The following TMEM150C variants were observed in gnomAD, a reference collection of about 807,000 sequenced individuals.
TMEM150C encodes transmembrane protein 150C.
TMEM150C carries 10 observed loss-of-function variants against 29.9 expected under a neutral mutation model. The ratio of observed to expected loss-of-function variants is 0.33; its 90% CI spans 0.21 to 0.57. The LOEUF is 0.57. Ranked by LOEUF, TMEM150C falls within the 20% of genes least tolerant of loss-of-function variation. The probability of loss-of-function intolerance (pLI) is 0.88; values close to 1 mark genes in which losing one functional copy is unlikely to be tolerated. For missense variants in TMEM150C, 251 were observed against 303.6 expected (o/e 0.83, Z 1.29); for synonymous variants, 101 against 112.5 (o/e 0.90, Z 0.64).
chr4:82,540,098 A>G (rs1378500032), intron 1 of TMEM150C, among the ~76,000 whole-genome samples: 2 of 133,494 alleles, frequency 1.5e-5, no homozygotes, highest in Non-Finnish European at 3.3e-5. Flanking sequence ...ATAGTCATTC[A>G]ATGTTTCTAC....
intron 6 of TMEM150C, among the ~76,000 whole-genome samples, chr4:82,494,626 C>T (rs1370367643): frequency 6.6e-6 from 1 of 152,076 alleles, no homozygotes; most frequent in Admixed American, 6.5e-5. Flanking sequence ...AGAAAATATA[C>T]AGCTGTTCTA....
intron 1 of TMEM150C, among the ~76,000 whole-genome samples, chr4:82,536,222 G>C (rs1724998446): frequency 6.6e-6 from 1 of 151,954 alleles, no homozygotes; most frequent in Admixed American, 6.6e-5. Context: ...GCTGGTCCTG[G>C]TGTCATGCAC....
chr4:82,527,019 CTTTTTTTTT>C (rs893109064), intron 1 of TMEM150C, among the ~76,000 whole-genome samples: 4 of 74,690 alleles, frequency 5.4e-5, no homozygotes, highest in Non-Finnish European at 9.6e-5. Context: ...CATACTGGGT[CTTTTTTTTT>C]TTTTTTTTTT....
intron 1 of TMEM150C, among the ~76,000 whole-genome samples, chr4:82,540,914 T>C (rs1725180408): frequency 6.6e-6 from 1 of 152,224 alleles, no homozygotes. Context: ...TGATGTACAA[T>C]AGATCTTGTG....
intron 2 of TMEM150C, 99 bp downstream of exon 2, chr4:82,504,479 G>T: frequency 1.1e-6 from 1 of 919,478 alleles, no homozygotes; most frequent in Non-Finnish European, 1.7e-6. Flanking sequence ...GAGATTACAG[G>T]CATGAGCCAC....
At chr4:82,546,361 C>T (rs1725385937) in intron 1 of TMEM150C, among the ~76,000 whole-genome samples, 1 of 152,156 alleles carries the variant, frequency 6.6e-6, no homozygotes, top group Non-Finnish European at 1.5e-5. Context: ...GTAACCAAAA[C>T]AGCATAGTAC....
intron 1 of TMEM150C, among the ~76,000 whole-genome samples, chr4:82,544,901 A>G (rs1441317403): frequency 6.6e-6 from 1 of 152,174 alleles, no homozygotes; most frequent in Non-Finnish European, 1.5e-5. Context: ...CTACAAATGA[A>G]AAAAGCCCCA....
chr4:82,492,807 A>C (rs1226300309), intron 6 of TMEM150C, among the ~76,000 whole-genome samples: 5 of 119,178 alleles, frequency 4.2e-5, no homozygotes, highest in African/African-American at 6.8e-5. Context: ...AAAAAAAAAA[A>C]AAACAACAAA....
At chr4:82,487,640 G>C (rs923939248) in intron 7 of TMEM150C, among the ~76,000 whole-genome samples, 2 of 152,108 alleles carry the variant, frequency 1.3e-5, no homozygotes, top group Non-Finnish European at 2.9e-5. Context: ...CAAGAACCAA[G>C]TTTTTTGGCT....
At chr4:82,511,065 T>G (rs1724107659) in intron 1 of TMEM150C, among the ~76,000 whole-genome samples, 1 of 152,200 alleles carries the variant, frequency 6.6e-6, no homozygotes, top group Non-Finnish European at 1.5e-5. Context: ...ACACTTGTTC[T>G]GCTAACAAAG....
chr4:82,527,796 T>C (rs976591641), intron 1 of TMEM150C, among the ~76,000 whole-genome samples: 1 of 152,328 alleles, frequency 6.6e-6, no homozygotes, highest in East Asian at 1.9e-4. Context: ...ATCATGGTTT[T>C]GCTTCTCTTT....
Position 82,493,598 on chromosome 4 carries a change from T to C in TMEM150C, c.363+2470A>G, listed in dbSNP as rs536563725. Reference sequence around the variant, plus strand: ...CACCAAAGCCACCCAATCTTGGGGATTTTTCTAGGACTTTTGTAAAGAACA... The same window carrying C: ...CACCAAAGCCACCCAATCTTGGGGACTTTTCTAGGACTTTTGTAAAGAACA... On this transcript the variant is annotated intron_variant, in intron 6 of 7. Coordinates refer to ENST00000449862, the MANE Select transcript of TMEM150C (RefSeq NM_001080506.3). 9.2e-5 allele frequency among the ~76,000 whole-genome samples: 14 copies of C among 152,300 alleles called. No individual in the cohort carries two copies. In the South Asian group the frequency reaches 2.9e-3, roughly 32 times the overall value.
intron 6 of TMEM150C, among the ~76,000 whole-genome samples, chr4:82,492,971 T>A (rs184215674): frequency 3.5e-4 from 52 of 148,518 alleles, no homozygotes; most frequent in Admixed American, 9.4e-4. Flanking sequence ...CACTATGTAT[T>A]TACATATTTT....
intron 5 of TMEM150C, 83 bp downstream of exon 5, chr4:82,502,644 T>A (rs915755145): frequency 7.5e-7 from 1 of 1,337,870 alleles, no homozygotes; most frequent in East Asian, 2.5e-5. Context: ...AAGCCCCCCA[T>A]TGTTTTGACA....
intron 1 of TMEM150C, among the ~76,000 whole-genome samples, chr4:82,548,857 C>T (rs542750091): frequency 2.6e-5 from 4 of 152,178 alleles, no homozygotes; most frequent in African/African-American, 9.7e-5. Flanking sequence ...GGCTGCAAGG[C>T]TCCCAACCAC....
At chr4:82,515,081 A>G (rs1724248942) in intron 1 of TMEM150C, among the ~76,000 whole-genome samples, 1 of 152,192 alleles carries the variant, frequency 6.6e-6, no homozygotes. Context: ...AGAGAGGTAC[A>G]TTGATTCTGA....
intron 5 of TMEM150C, among the ~76,000 whole-genome samples, chr4:82,498,307 T>C (rs972689642): frequency 6.6e-6 from 1 of 151,730 alleles, no homozygotes; most frequent in Admixed American, 6.6e-5. Context: ...GAGCCTATAA[T>C]ATAGACAGAG....
rs1725158077 is a variant in TMEM150C, at chr4:82,540,177, C to T, written c.-11+21729G>A. On this transcript the variant is annotated intron_variant, in intron 1 of 7. Transcript: ENST00000449862. ...TTGAGACAAGGTCTTGCTCTGTTGT[C>T]ATGGCTCACTGCAGCCTTAACCTTC... is the stretch of plus-strand genomic sequence containing the variant. Among the ~76,000 whole-genome samples, 3 of 100,446 alleles carry T rather than the reference C, an allele frequency of 3.0e-5. No homozygotes were observed. In the South Asian group the frequency reaches 1.1e-3, roughly 37 times the overall value. The allele number at this position is 100,446 out of a possible 152,430, so 65.9% of individuals were successfully genotyped here.
At chr4:82,499,719 CAAAAAAAAAAAAAA>C (rs1197264258) in intron 5 of TMEM150C, among the ~76,000 whole-genome samples, 13 of 40,302 alleles carry the variant, frequency 3.2e-4, no homozygotes, top group Non-Finnish European at 4.2e-4. Context: ...ACTCCGTCTC[CAAAAAAAAAAAAAA>C]AAAAAAAAAA....
Sources: allele counts gnomAD v4.1 joint callset (sites outside exome capture counted in the v4.1 genomes callset), GRCh38; gene constraint gnomAD v4.1.1; transcripts MANE v1.5; gene names NCBI Gene and HGNC (gene_info 2026-07-23, HGNC 2026-07-21).